MDGA2: variants seen among roughly 807,000 people sequenced by gnomAD.
MDGA2 encodes MAM domain-containing glycosylphosphatidylinositol anchor protein 2.
In MDGA2, 40 loss-of-function variants were observed where a neutral mutation model predicts 117.8. That is an observed-to-expected ratio of 0.34 (90% CI 0.26 to 0.44). MDGA2 has a LOEUF of 0.44. MDGA2 is among the 20% of genes least tolerant of loss of function. MDGA2 has a pLI of 1.00. For synonymous variants in MDGA2, 452 were observed against 439.0 expected (o/e 1.03, Z -0.37); for missense variants, 1,123 against 1,250.6 (o/e 0.90, Z 1.54).
chr14:46,963,388 T>G (rs745886549), intron 8 of MDGA2, among the ~76,000 whole-genome samples: 1 of 152,226 alleles, frequency 6.6e-6, no homozygotes, highest in Non-Finnish European at 1.5e-5. Flanking sequence ...AATCAGCTCA[T>G]GTTACTTTCC....
intron 8 of MDGA2, among the ~76,000 whole-genome samples, chr14:47,026,026 G>A (rs185987812): frequency 1.1e-3 from 162 of 152,140 alleles, no homozygotes; most frequent in African/African-American, 3.7e-3. Context: ...ATTCAATACA[G>A]GAATTTACTA....
intron 10 of MDGA2, among the ~76,000 whole-genome samples, chr14:46,890,500 T>C (rs896760253): frequency 6.6e-6 from 1 of 152,156 alleles, no homozygotes; most frequent in Non-Finnish European, 1.5e-5. Context: ...ATATTTCTTT[T>C]AGCATCAGTT....
At chr14:47,646,037 G>A (rs533006759) in intron 1 of MDGA2, among the ~76,000 whole-genome samples, 1 of 139,162 alleles carries the variant, frequency 7.2e-6, no homozygotes, top group East Asian at 2.1e-4. Context: ...CTGAGATCCC[G>A]CCACTGCACT....
At chr14:47,347,461 C>A (rs757471413) in intron 1 of MDGA2, among the ~76,000 whole-genome samples, 1 of 152,016 alleles carries the variant, frequency 6.6e-6, no homozygotes, top group Non-Finnish European at 1.5e-5. Flanking sequence ...TAATAACGGG[C>A]ATAAAGGAAT....
intron 6 of MDGA2, among the ~76,000 whole-genome samples, chr14:47,084,498 T>TAAAAAAAAAAAAAAAAAAAAAAAAAA (rs35071143): frequency 7.2e-6 from 1 of 139,656 alleles, no homozygotes. Flanking sequence ...CAGCAAAAAT[T>TAAAAAAAAAAAAAAAAAAAAAAAAAA]AAAAAAAAAA....
chr14:47,524,084 T>C (rs1390620427), intron 1 of MDGA2, among the ~76,000 whole-genome samples: 1 of 152,214 alleles, frequency 6.6e-6, no homozygotes, highest in Non-Finnish European at 1.5e-5. Flanking sequence ...GCATCTTTTC[T>C]ACTAGATGAT....
intron 8 of MDGA2, among the ~76,000 whole-genome samples, chr14:47,029,233 T>C (rs1229259515): frequency 6.6e-6 from 1 of 152,160 alleles, no homozygotes; most frequent in African/African-American, 2.4e-5. Context: ...TTAGATTTCT[T>C]GAGAAAAAGC....
chr14:46,861,350 G>A (rs1881500280), intron 14 of MDGA2, among the ~76,000 whole-genome samples: 1 of 151,724 alleles, frequency 6.6e-6, no homozygotes, highest in Non-Finnish European at 1.5e-5. Context: ...TGCCAGTACT[G>A]AATATTGTTT....
intron 1 of MDGA2, among the ~76,000 whole-genome samples, chr14:47,476,883 T>G (rs989473306): frequency 4.6e-5 from 7 of 152,128 alleles, no homozygotes; most frequent in African/African-American, 1.2e-4. Flanking sequence ...TATATTTCAC[T>G]GGGCGTGGTG....
In MDGA2 at chr14:47,649,304, G is replaced by A. The variant is rs148967287; in HGVS notation, c.280+25213C>T. The stretch of plus-strand genomic sequence containing the variant: ...TCTATAGACAAATTTAAGCTAAAGC[G>A]TTTGTTCATGGATCTACCCATTAAT... On this transcript the variant is annotated intron_variant, in intron 1 of 16. Transcript: ENST00000399232. Among the ~76,000 whole-genome samples the A allele has an allele frequency of 1.4e-4, 22 of 152,248 alleles. No individual in the cohort carries two copies. The East Asian group carries it at 2.7e-3, about 19-fold the overall frequency.
At position 46,939,645 on chromosome 14, in the gene MDGA2, G is replaced by T. The variant is rs533727064; in HGVS notation, c.2089+17729C>A. On this transcript the variant is annotated intron_variant, in intron 9 of 16. Transcript: ENST00000399232. ...CAAAATGTTTTAAGGCACTTTTGTTGTTAGTTGCTGTATTTGTCAGGCACC... is the reference window on the plus strand; with the variant it reads ...CAAAATGTTTTAAGGCACTTTTGTTTTTAGTTGCTGTATTTGTCAGGCACC... Among the ~76,000 whole-genome samples, 5 of 152,288 alleles carry T rather than the reference G, an allele frequency of 3.3e-5. No individual in the cohort carries two copies. In the South Asian group the frequency reaches 1.0e-3, roughly 32 times the overall value.
chr14:47,101,075 CGATAGATA>C lies in MDGA2; in HGVS notation c.926-3960_926-3953del, dbSNP rs57541385. Among the ~76,000 whole-genome samples the C allele has an allele frequency of 6.6e-3, 928 of 140,208 alleles. 8 individuals carry two copies. Among genetic ancestry groups the C allele is most frequent in the South Asian group, 0.021 (93 of 4,394 alleles). 92.0% of individuals were successfully genotyped at this position (140,208 alleles called of 152,430 possible). On this transcript the variant is annotated intron_variant, in intron 5 of 16. Transcript: ENST00000399232. Reference sequence around the variant, plus strand: ...TGGGGATACTTGATGAATGGAGGGACGATAGATAGATAGATAGATAGATAGATAGATAG... The same window carrying C: ...TGGGGATACTTGATGAATGGAGGGACGATAGATAGATAGATAGATAGATAG...
Position 47,468,284 on chromosome 14 carries a change from A to G in MDGA2, c.281-166734T>C, listed in dbSNP as rs115284170. Reference sequence around the variant, plus strand: ...AAATGTCTCAAAGAAAGAAAAGAGTAATGAATAGATTTCTTCTTTATGGGA... The same window carrying G: ...AAATGTCTCAAAGAAAGAAAAGAGTGATGAATAGATTTCTTCTTTATGGGA... On this transcript the variant is annotated intron_variant, in intron 1 of 16. Transcript: ENST00000399232. 2.8e-3 allele frequency among the ~76,000 whole-genome samples: 423 copies of G among 152,310 alleles called. 2 individuals are homozygous for G. The highest frequency in any genetic ancestry group is 0.01 in the Middle Eastern group (3 of 294).
intron 1 of MDGA2, among the ~76,000 whole-genome samples, chr14:47,430,378 C>G (rs1892775143): frequency 6.6e-6 from 1 of 151,990 alleles, no homozygotes; most frequent in Non-Finnish European, 1.5e-5. Context: ...CAGAGAATAT[C>G]AAGATTATGT....
intron 1 of MDGA2, among the ~76,000 whole-genome samples, chr14:47,573,789 G>C (rs1279726912): frequency 6.6e-6 from 1 of 152,076 alleles, no homozygotes; most frequent in African/African-American, 2.4e-5. Context: ...TGACATGGAA[G>C]GAGTGTTTTA....
At chr14:47,026,598 C>A (rs925480776) in intron 8 of MDGA2, among the ~76,000 whole-genome samples, 2 of 151,750 alleles carry the variant, frequency 1.3e-5, no homozygotes, top group African/African-American at 4.8e-5. Flanking sequence ...TTATTATAAT[C>A]ATTTATTATT....
chr14:47,146,765 G>T (rs182060609), intron 3 of MDGA2, among the ~76,000 whole-genome samples: 2 of 152,268 alleles, frequency 1.3e-5, no homozygotes, highest in East Asian at 1.9e-4. Context: ...GGTAAACAGT[G>T]TAACAATGAT....
At chr14:47,099,774 G>A (rs935558646) in intron 5 of MDGA2, among the ~76,000 whole-genome samples, 1 of 152,010 alleles carries the variant, frequency 6.6e-6, no homozygotes, top group Non-Finnish European at 1.5e-5. Flanking sequence ...ATTTCCCATT[G>A]TTGAAATGGG....
chr14:46,919,733 T>C (rs1884051051), intron 10 of MDGA2, among the ~76,000 whole-genome samples: 1 of 152,164 alleles, frequency 6.6e-6, no homozygotes, highest in Admixed American at 6.5e-5. Flanking sequence ...CTCTCTTATC[T>C]AGTGATGAAG....
Sources: allele counts gnomAD v4.1 joint callset (sites outside exome capture counted in the v4.1 genomes callset), GRCh38; gene constraint gnomAD v4.1.1; transcripts MANE v1.5; gene names NCBI Gene and HGNC (gene_info 2026-07-23, HGNC 2026-07-21).